The following CCN5 variants were observed in gnomAD, a reference collection of about 807,000 sequenced individuals.
The protein encoded by CCN5 is CCN family member 5.
CCN5 carries 17 observed loss-of-function variants against 18.7 expected under a neutral mutation model. The ratio of observed to expected loss-of-function variants is 0.91; its 90% CI spans 0.62 to 1.36. The LOEUF (loss-of-function observed/expected upper bound fraction) is 1.36. Among genes scored for constraint, CCN5 ranks in the 40% most tolerant of loss-of-function variants. The probability of loss-of-function intolerance (pLI) is 0.00; values close to 1 mark genes in which losing one functional copy is unlikely to be tolerated. For synonymous variants in CCN5, 135 were observed against 145.2 expected, an observed-to-expected ratio of 0.93 and a Z score of 0.50; for missense variants, 367 against 342.9, an observed-to-expected ratio of 1.07 and a Z score of -0.56.
At chr20:44,726,040 T>A (rs2065934323) in intron 3 of CCN5, among the ~76,000 whole-genome samples, 2 of 152,232 alleles carry the variant, frequency 1.3e-5, no homozygotes, top group South Asian at 4.1e-4. Context: ...TGTGTGACTC[T>A]GAGAAAGTTG....
At position 44,727,526 on chromosome 20, in the gene CCN5, A is replaced by C; in HGVS notation, c.*219A>C. The C allele has an allele frequency of 7.2e-7, 1 of 1,384,810 alleles. No individual in the cohort carries two copies. Among genetic ancestry groups the C allele is most frequent in the South Asian group, 1.8e-5 (1 of 54,488 alleles). The allele number at this position is 1,384,810 out of a possible 1,614,324, so 85.8% of individuals were successfully genotyped here. A position where few individuals can be genotyped will look rare whatever the true frequency, so the allele number is the denominator to read the frequency against. On this transcript the variant is annotated 3_prime_UTR_variant, in exon 4 of 4. Transcript: ENST00000190983. ...GCAAGACCTAGTCCCCTTTCCTCTA[A>C]CTCACTGCCTAGGAGGCTGGCCAAG...
chr20:44,717,869 A>C (rs1002792011), intron 1 of CCN5, among the ~76,000 whole-genome samples: 7 of 149,864 alleles, frequency 4.7e-5, no homozygotes, highest in African/African-American at 1.5e-4. Flanking sequence ...ACAGAGCAAG[A>C]CTCCATCTCA....
At chr20:44,720,671 AG>A (rs953882665) in intron 2 of CCN5, 30 of 157,174 alleles carry the variant, frequency 1.9e-4, no homozygotes, top group African/African-American at 7.2e-4. Flanking sequence ...ACGGGCTCTA[AG>A]GAACAGTTTA....
chr20:44,722,850 C>G (rs888942664), intron 2 of CCN5, among the ~76,000 whole-genome samples: 1 of 152,124 alleles, frequency 6.6e-6, no homozygotes, highest in Non-Finnish European at 1.5e-5. Context: ...TCCGACACTC[C>G]CATCCCTTCT....
At chr20:44,715,094 GCGCA>G, upstream of CCN5, 6 of 310,768 alleles carry the variant, frequency 1.9e-5, no homozygotes, top group South Asian at 3.6e-5. Context: ...ACACACACAC[GCGCA>G]CACACACACA....
intron 3 of CCN5, among the ~76,000 whole-genome samples, chr20:44,726,063 G>A (rs1157591387): frequency 6.6e-6 from 1 of 152,186 alleles, no homozygotes; most frequent in East Asian, 1.9e-4. Flanking sequence ...TAACTTCTCT[G>A]TGTCTCAGTT....
Position 44,724,908 on chromosome 20 carries a change from A to T in CCN5, c.448A>T (p.Arg150Trp). 1.3e-6 allele frequency: 2 copies of T among 1,594,294 alleles called. No individual in the cohort carries two copies. The highest frequency in any genetic ancestry group is 1.7e-6 in the Non-Finnish European group (2 of 1,171,790). The part of the protein sequence containing the change: ...LPSWDCPHPR[R>W]VEVLGKCCPE... ...CAGCTGGGACTGCCCCCACCCCAGG[A>T]GGGTCGAGGTCCTGGGCAAGTGCTG... Residue 150 changes from arginine to tryptophan, a missense_variant, in exon 3 of 4, where the codon AGG (arginine) becomes TGG (tryptophan). Physicochemically the swap from Arg to Trp is moderately radical, Grantham distance 101. Transcript: ENST00000190983.
At position 44,727,253 on chromosome 20, in the gene CCN5, G is replaced by T. The variant is rs745729248; in HGVS notation, c.699G>T (p.Leu233=). 3 of 1,613,648 alleles carry T rather than the reference G, an allele frequency of 1.9e-6. No individual in the cohort carries two copies. The Admixed American group carries it at 5.0e-5, about 27-fold the overall frequency. ...TGGAGACCCAGCGCCGCCTGTGCCT[G>T]TCCAGGCCCTGCCCACCCTCCAGGG... ...CRLETQRRLC[L]SRPCPPSRGR... Residue 233 remains leucine (L), a synonymous_variant, in exon 4 of 4, where the codon CTG becomes CTT. Transcript: ENST00000190983.
At position 44,727,451 on chromosome 20, in the gene CCN5, A is replaced by C; in HGVS notation, c.*144A>C. The C allele has an allele frequency of 6.9e-7, 1 of 1,440,410 alleles. No individual in the cohort carries two copies. The highest frequency in any genetic ancestry group is 9.2e-7 in the Non-Finnish European group (1 of 1,092,022). The allele number at this position is 1,440,410 out of a possible 1,614,324, so 89.2% of individuals were successfully genotyped here. A position where few individuals can be genotyped will look rare whatever the true frequency, so the allele number is the denominator to read the frequency against. On this transcript the variant is annotated 3_prime_UTR_variant, in exon 4 of 4. Coordinates refer to ENST00000190983, the MANE Select transcript of CCN5 (RefSeq NM_003881.4). The stretch of plus-strand genomic sequence containing the variant: ...GCTTGGGTCCACCATGCAGAACACC[A>C]ATATTAACACGCTGCCTGGTCTGTC...
chr20:44,717,894 A>G (rs1381078162), intron 1 of CCN5, among the ~76,000 whole-genome samples: 1 of 151,772 alleles, frequency 6.6e-6, no homozygotes, highest in Non-Finnish European at 1.5e-5. Context: ...AGAAAAAAAA[A>G]AAAAAGAAAG....
chr20:44,719,757 C>A, intron 1 of CCN5, 140 bp from the exon 2 acceptor site: 1 of 776,948 alleles, frequency 1.3e-6, no homozygotes, highest in Non-Finnish European at 2.0e-6. Flanking sequence ...GGACTACTGG[C>A]CTTTGAGGCC....
chr20:44,715,463 G>A lies in CCN5; in HGVS notation c.60+13G>A, dbSNP rs371633103. ...CCTCCTCTCAAAGGTAAGGAGGCCCGGGCCCTGGAATGCACTGCTGACTAT... is the reference window on the plus strand; with the variant it reads ...CCTCCTCTCAAAGGTAAGGAGGCCCAGGCCCTGGAATGCACTGCTGACTAT... On this transcript the variant is annotated intron_variant, in intron 1 of 3. Coordinates refer to ENST00000190983, the MANE Select transcript of CCN5 (RefSeq NM_003881.4). 8.2e-6 allele frequency: 13 copies of A among 1,585,796 alleles called. No homozygotes were observed. Among genetic ancestry groups the A allele is most frequent in the East Asian group, 4.6e-5 (2 of 43,788 alleles).
chr20:44,722,544 T>C (rs1317050046), intron 2 of CCN5, among the ~76,000 whole-genome samples: 1 of 148,304 alleles, frequency 6.7e-6, no homozygotes, highest in South Asian at 2.2e-4. Flanking sequence ...CTCAGCTCAC[T>C]GTAACCCCAT....
At chr20:44,719,510 C>G (rs775867020) in intron 1 of CCN5, among the ~76,000 whole-genome samples, 39 of 152,078 alleles carry the variant, frequency 2.6e-4, no homozygotes, top group Non-Finnish European at 5.3e-4. Context: ...CAAAAATTGC[C>G]AGGCATGGTG....
intron 2 of CCN5, among the ~76,000 whole-genome samples, chr20:44,723,320 T>A (rs1350351884): frequency 6.9e-6 from 1 of 145,350 alleles, no homozygotes; most frequent in Non-Finnish European, 1.5e-5. Context: ...CGTGGAAGCA[T>A]AACCCTCTCC....
At chr20:44,719,449 T>C (rs1159030566) in intron 1 of CCN5, among the ~76,000 whole-genome samples, 1 of 152,098 alleles carries the variant, frequency 6.6e-6, no homozygotes. Context: ...GAGCTCAGGA[T>C]TTCAAGACCA....
Position 44,727,208 on chromosome 20 carries a change from C to T in CCN5, c.654C>T (p.Asn218=), listed in dbSNP as rs1201213095. The T allele has an allele frequency of 6.2e-7, 1 of 1,613,848 alleles. No individual in the cohort carries two copies. Among genetic ancestry groups the T allele is most frequent in the Admixed American group, 1.7e-5 (1 of 60,022 alleles). ...CGLGMATRVS[N]QNRFCRLETQ... Reference sequence around the variant, plus strand: ...TGGGCATGGCCACCCGGGTGTCCAACCAGAACCGCTTCTGCCGACTGGAGA... The same window carrying T: ...TGGGCATGGCCACCCGGGTGTCCAATCAGAACCGCTTCTGCCGACTGGAGA... The change falls in exon 4 of 4, where the codon AAC becomes AAT. Residue 218 remains asparagine, a synonymous_variant. Coordinates refer to ENST00000190983, the MANE Select transcript of CCN5 (RefSeq NM_003881.4).
chr20:44,722,628 C>T (rs892132175), intron 2 of CCN5, among the ~76,000 whole-genome samples: 8 of 151,912 alleles, frequency 5.3e-5, no homozygotes, highest in African/African-American at 9.7e-5. Context: ...CACCATGCCT[C>T]GCTAATTTTT....
intron 3 of CCN5, among the ~76,000 whole-genome samples, chr20:44,726,865 TAATA>T (rs1377979749): frequency 6.6e-6 from 1 of 152,238 alleles, no homozygotes; most frequent in African/African-American, 2.4e-5. Context: ...GCCAAATAAC[TAATA>T]TTTATGGAAA....
Sources: gnomAD v4.1 joint callset for allele counts (sites outside exome capture counted in the v4.1 genomes callset) on GRCh38, gnomAD v4.1.1 for gene constraint, MANE v1.5 for transcripts, NCBI Gene and HGNC (gene_info 2026-07-23, HGNC 2026-07-21) for gene names.